HS6ST3: variants seen among roughly 807,000 people sequenced by gnomAD.
HS6ST3 encodes heparan sulfate 6-O-sulfotransferase 3.
HS6ST3 carries 12 observed loss-of-function variants against 36.7 expected under a neutral mutation model. That is an observed-to-expected ratio of 0.33 (90% CI 0.21 to 0.53). The LOEUF is 0.53. Ranked by LOEUF, HS6ST3 falls within the 20% of genes least tolerant of loss-of-function variation. The pLI is 0.95. For synonymous variants in HS6ST3, 240 were observed against 257.5 expected (o/e 0.93, Z 0.65); for missense variants, 584 against 640.9 (o/e 0.91, Z 0.96).
chr13:96,344,021 C>T (rs1407148051), intron 1 of HS6ST3, among the ~76,000 whole-genome samples: 1 of 152,150 alleles, frequency 6.6e-6, no homozygotes, highest in Non-Finnish European at 1.5e-5. Flanking sequence ...GGATTACAGG[C>T]ATGAACCACT....
chr13:96,381,444 T>A (rs2055341390), intron 1 of HS6ST3, among the ~76,000 whole-genome samples: 1 of 80,718 alleles, frequency 1.2e-5, no homozygotes, highest in African/African-American at 3.4e-5. Context: ...CTATCACTCA[T>A]TCCAAGGCCA....
At chr13:96,603,811 A>G (rs922946831) in intron 1 of HS6ST3, among the ~76,000 whole-genome samples, 2 of 152,204 alleles carry the variant, frequency 1.3e-5, no homozygotes, top group African/African-American at 4.8e-5. Flanking sequence ...TATGCTTGGC[A>G]TACTTCACAG....
At chr13:96,184,531 T>C (rs1232219304) in intron 1 of HS6ST3, among the ~76,000 whole-genome samples, 1 of 152,200 alleles carries the variant, frequency 6.6e-6, no homozygotes, top group Non-Finnish European at 1.5e-5. Context: ...ACAGTGGCCC[T>C]AGGCCATGCG....
chr13:96,651,153 C>T (rs2056605911), intron 1 of HS6ST3, among the ~76,000 whole-genome samples: 1 of 152,040 alleles, frequency 6.6e-6, no homozygotes, highest in African/African-American at 2.4e-5. Flanking sequence ...TTTCTATCAT[C>T]AATTATTTAT....
At chr13:96,484,517 C>T (rs2055904782) in intron 1 of HS6ST3, among the ~76,000 whole-genome samples, 1 of 152,162 alleles carries the variant, frequency 6.6e-6, no homozygotes. Context: ...ATTTATCCTT[C>T]CCCCGCCACC....
intron 1 of HS6ST3, among the ~76,000 whole-genome samples, chr13:96,226,419 C>T (rs2139365174): frequency 6.6e-6 from 1 of 152,256 alleles, no homozygotes; most frequent in East Asian, 1.9e-4. Flanking sequence ...ACTCAGAAGG[C>T]TGAGACAGGA....
chr13:96,242,317 C>T (rs774016802), intron 1 of HS6ST3, among the ~76,000 whole-genome samples: 35 of 151,872 alleles, frequency 2.3e-4, no homozygotes, highest in Non-Finnish European at 4.3e-4. Flanking sequence ...CTTGACCTCC[C>T]GGGTCCAGGT....
intron 1 of HS6ST3, among the ~76,000 whole-genome samples, chr13:96,351,318 G>T (rs2055182351): frequency 2.5e-5 from 1 of 40,708 alleles, no homozygotes; most frequent in South Asian, 1.1e-3. Context: ...GAAGGTGGCA[G>T]TCTTTTTTTT....
At chr13:96,334,197 G>T (rs2055087550) in intron 1 of HS6ST3, among the ~76,000 whole-genome samples, 1 of 152,170 alleles carries the variant, frequency 6.6e-6, no homozygotes, top group African/African-American at 2.4e-5. Flanking sequence ...ATAAGTTCAT[G>T]CCAAGTCTCG....
intron 1 of HS6ST3, among the ~76,000 whole-genome samples, chr13:96,624,564 C>T (rs908478430): frequency 2.6e-5 from 4 of 152,076 alleles, no homozygotes; most frequent in Non-Finnish European, 5.9e-5. Context: ...AAGCATAGTA[C>T]CCAATAGCCA....
chr13:96,383,336 C>T (rs2139447466), intron 1 of HS6ST3, among the ~76,000 whole-genome samples: 1 of 152,248 alleles, frequency 6.6e-6, no homozygotes, highest in African/African-American at 2.4e-5. Flanking sequence ...CTCCTGTAAT[C>T]CCAGCTACTT....
chr13:96,520,903 G>A (rs2056090794), intron 1 of HS6ST3, among the ~76,000 whole-genome samples: 1 of 152,208 alleles, frequency 6.6e-6, no homozygotes, highest in Non-Finnish European at 1.5e-5. Flanking sequence ...AGTGATGAGA[G>A]AGGGCATCCC....
intron 1 of HS6ST3, among the ~76,000 whole-genome samples, chr13:96,586,561 G>A (rs2056362298): frequency 6.6e-6 from 1 of 151,714 alleles, no homozygotes; most frequent in African/African-American, 2.4e-5. Flanking sequence ...CTCCCAAAGT[G>A]CTATGATTAC....
chr13:96,733,726 G>C (rs1233625637), intron 1 of HS6ST3, among the ~76,000 whole-genome samples: 1 of 152,142 alleles, frequency 6.6e-6, no homozygotes, highest in Non-Finnish European at 1.5e-5. Context: ...AATGTAATGA[G>C]CTGGGGAAAC....
chr13:96,464,019 G>GTTT (rs66703746), intron 1 of HS6ST3, among the ~76,000 whole-genome samples: 1,422 of 127,250 alleles, frequency 0.011, 36 homozygotes, highest in African/African-American at 0.041. Flanking sequence ...CCATAGACAG[G>GTTT]TTTTTTTTTT....
chr13:96,550,720 ATTAAT>A (rs1019923017), intron 1 of HS6ST3, among the ~76,000 whole-genome samples: 40 of 152,208 alleles, frequency 2.6e-4, no homozygotes, highest in African/African-American at 7.7e-4. Context: ...GGGAGGAATG[ATTAAT>A]TTAAGTAATT....
At chr13:96,097,117 A>G (rs1325157160) in intron 1 of HS6ST3, among the ~76,000 whole-genome samples, 4 of 152,200 alleles carry the variant, frequency 2.6e-5, no homozygotes, top group African/African-American at 4.8e-5. Context: ...TAGTGAAGAC[A>G]TGAATTGGAA....
At chr13:96,321,938 C>T (rs1444508385) in intron 1 of HS6ST3, among the ~76,000 whole-genome samples, 1 of 152,064 alleles carries the variant, frequency 6.6e-6, no homozygotes, top group African/African-American at 2.4e-5. Context: ...CATTCCCCAC[C>T]AAACTCCCAA....
chr13:96,387,223 A>T (rs966328031), intron 1 of HS6ST3, among the ~76,000 whole-genome samples: 1 of 152,198 alleles, frequency 6.6e-6, no homozygotes, highest in Non-Finnish European at 1.5e-5. Flanking sequence ...CTTTTATATC[A>T]TCCTTATTAT....
Sources: allele counts gnomAD v4.1 joint callset (sites outside exome capture counted in the v4.1 genomes callset), GRCh38; gene constraint gnomAD v4.1.1; transcripts MANE v1.5; gene names NCBI Gene and HGNC (gene_info 2026-07-23, HGNC 2026-07-21).